PCDHA3: variants seen among roughly 807,000 people sequenced by gnomAD.
PCDHA3 encodes protocadherin alpha 3, also known as protocadherin alpha-3.
Under a neutral mutation model 62.2 loss-of-function variants are expected in PCDHA3, and 41 were observed. That is an observed-to-expected ratio of 0.66 (90% CI 0.51 to 0.86). PCDHA3 has a LOEUF of 0.86. PCDHA3 is among the 40% of genes least tolerant of loss of function. The pLI, the probability that PCDHA3 is intolerant of heterozygous loss-of-function variation, is 0.00. For missense variants in PCDHA3, 1,304 were observed against 1,241.2 expected, an observed-to-expected ratio of 1.05 and a Z score of -0.76; for synonymous variants, 640 against 555.4, an observed-to-expected ratio of 1.15 and a Z score of -2.14.
At chr5:140,830,006 G>T (rs755165097) in intron 1 of PCDHA3, 1 of 1,613,960 alleles carries the variant, frequency 6.2e-7, no homozygotes, top group Non-Finnish European at 8.5e-7. Context: ...TGTCCTGGAC[G>T]AAGCGGACTC....
intron 1 of PCDHA3, among the ~76,000 whole-genome samples, chr5:140,973,003 C>T (rs1417207719): frequency 4.0e-5 from 6 of 151,856 alleles, no homozygotes; most frequent in African/African-American, 7.3e-5. Flanking sequence ...CATTTGTGGT[C>T]GTGGTGTTGT....
intron 1 of PCDHA3, among the ~76,000 whole-genome samples, chr5:140,960,222 A>G (rs1364451029): frequency 2.6e-5 from 4 of 152,206 alleles, no homozygotes; most frequent in African/African-American, 9.6e-5. Flanking sequence ...ATCTCAAGAA[A>G]CAGAGCCATG....
chr5:140,883,065 C>G, intron 1 of PCDHA3: 1 of 1,614,056 alleles, frequency 6.2e-7, no homozygotes, highest in Non-Finnish European at 8.5e-7. Context: ...AAGCTAAATG[C>G]CACAGATCCT....
chr5:140,975,244 A>G (rs934948446), intron 1 of PCDHA3, among the ~76,000 whole-genome samples: 6 of 152,120 alleles, frequency 3.9e-5, no homozygotes. Flanking sequence ...AATCCCTCTT[A>G]TGCTTCAGAT....
At chr5:140,986,668 A>C (rs927109652) in intron 3 of PCDHA3, among the ~76,000 whole-genome samples, 15 of 152,192 alleles carry the variant, frequency 9.9e-5, no homozygotes, top group African/African-American at 3.6e-4. Context: ...CACAGTTTTC[A>C]GAAGAGTTCA....
intron 1 of PCDHA3, chr5:140,828,253 G>A: frequency 6.2e-7 from 1 of 1,613,994 alleles, no homozygotes. Context: ...ACCTGGGGCT[G>A]GAGCTGGCGG....
intron 1 of PCDHA3, chr5:140,865,230 G>A (rs1393795782): frequency 6.6e-6 from 1 of 152,136 alleles, no homozygotes; most frequent in Non-Finnish European, 1.5e-5. Flanking sequence ...GGATCCCAGA[G>A]AACACGTATT....
intron 1 of PCDHA3, among the ~76,000 whole-genome samples, chr5:140,880,638 T>C (rs1239160653): frequency 6.6e-6 from 1 of 152,134 alleles, no homozygotes; most frequent in Non-Finnish European, 1.5e-5. Flanking sequence ...ATCAATTCAC[T>C]TGAGAGCCCA....
At chr5:140,807,087 TG>T in intron 1 of PCDHA3, 1 of 1,343,050 alleles carries the variant, frequency 7.4e-7, no homozygotes, top group Non-Finnish European at 1.0e-6. Flanking sequence ...CTTTGGAGTC[TG>T]AAATATGGAG....
At chr5:140,943,893 A>AT (rs1364551909) in intron 1 of PCDHA3, among the ~76,000 whole-genome samples, 3 of 152,226 alleles carry the variant, frequency 2.0e-5, no homozygotes, top group Non-Finnish European at 4.4e-5. Flanking sequence ...ACTGGTCATT[A>AT]TGATGTCATG....
chr5:140,939,340 A>G (rs1337369012), intron 1 of PCDHA3, among the ~76,000 whole-genome samples: 1 of 152,178 alleles, frequency 6.6e-6, no homozygotes, highest in Non-Finnish European at 1.5e-5. Flanking sequence ...AGGGGTTAGC[A>G]TTTCAACTTA....
intron 1 of PCDHA3, among the ~76,000 whole-genome samples, chr5:140,897,593 G>A (rs1185165472): frequency 6.6e-6 from 1 of 152,014 alleles, no homozygotes; most frequent in Non-Finnish European, 1.5e-5. Context: ...TGTCATTGTT[G>A]GACATTTGGG....
In PCDHA3 at chr5:140,946,631, T is replaced by TATATATATATATACAC. The variant is rs57893927; in HGVS notation, c.2395-32317_2395-32316insTATATATATATACACA. ...TGTGAAATATATATATATATATATA[T>TATATATATATATACAC]ACAATGGAATACTCATCAGCCATTA... On this transcript the variant is annotated intron_variant, in intron 1 of 3. Coordinates refer to ENST00000522353, the MANE Select transcript of PCDHA3 (RefSeq NM_018906.3). Among the ~76,000 whole-genome samples the TATATATATATATACAC allele has an allele frequency of 4.3e-4, 57 of 131,850 alleles. 1 individual carries two copies. Among genetic ancestry groups the TATATATATATATACAC allele is most frequent in the East Asian group, 1.6e-3 (8 of 4,866 alleles). The allele number at this position is 131,850 out of a possible 152,430, so 86.5% of individuals were successfully genotyped here.
chr5:140,876,931 A>G lies in PCDHA3; in HGVS notation c.2394+73340A>G, dbSNP rs377563074. The stretch of plus-strand genomic sequence containing the variant: ...GGCATGGGACGCGGACGCGCAGAAG[A>G]ACGCGCTGGTGTCCTACTCGCTGGT... On this transcript the variant is annotated intron_variant, in intron 1 of 3. Coordinates refer to ENST00000522353, the MANE Select transcript of PCDHA3 (RefSeq NM_018906.3). 8 of 1,613,668 alleles carry G rather than the reference A, an allele frequency of 5.0e-6. No individual in the cohort carries two copies. In the African/African-American group the frequency reaches 1.1e-4, roughly 22 times the overall value.
At chr5:140,856,471 A>G (rs782438318) in intron 1 of PCDHA3, 6 of 1,597,856 alleles carry the variant, frequency 3.8e-6, no homozygotes, top group South Asian at 2.2e-5. Flanking sequence ...AGCTCTCAAT[A>G]CCTGAATCCA....
At chr5:140,939,593 T>C (rs1554212802) in intron 1 of PCDHA3, among the ~76,000 whole-genome samples, 1 of 152,198 alleles carries the variant, frequency 6.6e-6, no homozygotes, top group African/African-American at 2.4e-5. Flanking sequence ...TAACATACCT[T>C]GCTCAAAAAC....
chr5:140,848,496 A>C, intron 1 of PCDHA3: 1 of 1,577,756 alleles, frequency 6.3e-7, no homozygotes, highest in South Asian at 1.1e-5. Context: ...AGTATTTGAA[A>C]TGTTATACTC....
chr5:140,942,608 T>G (rs1221656316), intron 1 of PCDHA3, among the ~76,000 whole-genome samples: 3 of 114,466 alleles, frequency 2.6e-5, no homozygotes, highest in Non-Finnish European at 5.4e-5. Context: ...AGTGTTTATA[T>G]TTGCCAATTG....
intron 1 of PCDHA3, among the ~76,000 whole-genome samples, chr5:140,890,952 G>C (rs555852578): frequency 1.9e-4 from 29 of 152,236 alleles, no homozygotes; most frequent in African/African-American, 7.0e-4. Context: ...GGTGAGGAAT[G>C]ATTTCAGGTT....
Sources: gnomAD v4.1 joint callset for allele counts (sites outside exome capture counted in the v4.1 genomes callset) on GRCh38, gnomAD v4.1.1 for gene constraint, MANE v1.5 for transcripts, NCBI Gene and HGNC (gene_info 2026-07-23, HGNC 2026-07-21) for gene names.